KCTD8: variants seen among roughly 807,000 people sequenced by gnomAD.
The protein encoded by KCTD8 is BTB/POZ domain-containing protein KCTD8.
In KCTD8, 27 loss-of-function variants were observed where a neutral mutation model predicts 31.5. The observed-to-expected ratio is 0.86, with a 90% confidence interval of 0.63 to 1.18. KCTD8 has a LOEUF of 1.18. Among genes scored for constraint, KCTD8 ranks in the 50% most tolerant of loss-of-function variants. KCTD8 has a pLI of 0.00. For synonymous variants in KCTD8, 290 were observed against 280.0 expected (o/e 1.04, Z -0.36); for missense variants, 658 against 647.7 (o/e 1.02, Z -0.17).
At chr4:44,276,713 G>C (rs1324458631) in intron 1 of KCTD8, among the ~76,000 whole-genome samples, 2 of 151,934 alleles carry the variant, frequency 1.3e-5, no homozygotes, top group African/African-American at 4.8e-5. Context: ...TGTTTGGTAA[G>C]TGCAAATTTT....
chr4:44,243,114 C>T (rs1188938069), intron 1 of KCTD8, among the ~76,000 whole-genome samples: 1 of 151,984 alleles, frequency 6.6e-6, no homozygotes, highest in Admixed American at 6.5e-5. Context: ...ATTGGTTGAA[C>T]CATGAAGACA....
chr4:44,319,635 GAAT>G (rs967193799), intron 1 of KCTD8, among the ~76,000 whole-genome samples: 6 of 152,002 alleles, frequency 3.9e-5, no homozygotes, highest in Non-Finnish European at 8.8e-5. Flanking sequence ...TCAAGTTGAA[GAAT>G]TATTATGAAC....
chr4:44,181,042 A>T (rs1713367667), intron 1 of KCTD8, among the ~76,000 whole-genome samples: 1 of 152,152 alleles, frequency 6.6e-6, no homozygotes. Flanking sequence ...TGTCTGTTTA[A>T]TTACATCTAT....
chr4:44,216,983 A>G (rs2082062304), intron 1 of KCTD8, among the ~76,000 whole-genome samples: 1 of 152,186 alleles, frequency 6.6e-6, no homozygotes, highest in African/African-American at 2.4e-5. Flanking sequence ...AAATGCAAAC[A>G]TGCACCTATG....
At chr4:44,212,968 C>T (rs1317610452) in intron 1 of KCTD8, among the ~76,000 whole-genome samples, 2 of 152,008 alleles carry the variant, frequency 1.3e-5, no homozygotes, top group Non-Finnish European at 2.9e-5. Context: ...GATGGAGTCT[C>T]GTTCTGTCGC....
chr4:44,247,733 G>C (rs533244899), intron 1 of KCTD8, among the ~76,000 whole-genome samples: 1 of 151,614 alleles, frequency 6.6e-6, no homozygotes, highest in African/African-American at 2.4e-5. Context: ...TCTGTGATAG[G>C]CTTACTTCAC....
intron 1 of KCTD8, among the ~76,000 whole-genome samples, chr4:44,223,860 A>G (rs1714875848): frequency 6.6e-6 from 1 of 152,194 alleles, no homozygotes; most frequent in Admixed American, 6.5e-5. Context: ...ATTTAATTAC[A>G]TATGGTTTAT....
chr4:44,214,936 A>G (rs1714605548), intron 1 of KCTD8, among the ~76,000 whole-genome samples: 1 of 152,186 alleles, frequency 6.6e-6, no homozygotes, highest in African/African-American at 2.4e-5. Context: ...TAAGATCAGT[A>G]CTTGAGATAT....
intron 1 of KCTD8, among the ~76,000 whole-genome samples, chr4:44,269,833 A>C (rs1716524372): frequency 6.6e-6 from 1 of 152,146 alleles, no homozygotes; most frequent in South Asian, 2.1e-4. Context: ...AATCAAAACC[A>C]CAATGAGATA....
chr4:44,447,545 C>T lies in KCTD8; in HGVS notation c.961+18G>A. 1 of 1,527,372 alleles carries T rather than the reference C, an allele frequency of 6.5e-7. No homozygotes were observed. The highest frequency in any genetic ancestry group is 8.8e-7 in the Non-Finnish European group (1 of 1,131,606). 94.6% of individuals were successfully genotyped at this position (1,527,372 alleles called of 1,614,324 possible). On this transcript the variant is annotated intron_variant, in intron 1 of 1. Transcript: ENST00000360029. ...AGGGGGCGAGGGGTGCTGGGAAACG[C>T]CGGGGCTGCGAACTTACGGAAGAAA...
At chr4:44,323,350 C>A (rs1160075547) in intron 1 of KCTD8, among the ~76,000 whole-genome samples, 1 of 151,612 alleles carries the variant, frequency 6.6e-6, no homozygotes, top group Non-Finnish European at 1.5e-5. Flanking sequence ...AAAAATTAGC[C>A]ATGTGTAGTG....
At chr4:44,288,574 C>T (rs75610028) in intron 1 of KCTD8, among the ~76,000 whole-genome samples, 11,381 of 152,072 alleles carry the variant, frequency 0.075, 557 homozygotes, top group East Asian at 0.16. Flanking sequence ...TTGAAACAAT[C>T]AAAAACATTG....
intron 1 of KCTD8, among the ~76,000 whole-genome samples, chr4:44,235,563 A>T (rs1446448436): frequency 6.8e-5 from 5 of 73,418 alleles, no homozygotes; most frequent in African/African-American, 3.2e-4. Flanking sequence ...ATATATATAT[A>T]TATATATATA....
intron 1 of KCTD8, among the ~76,000 whole-genome samples, chr4:44,270,308 G>A (rs971940369): frequency 6.8e-6 from 1 of 147,158 alleles, no homozygotes; most frequent in African/African-American, 2.5e-5. Context: ...ACCAAACACT[G>A]CATGTTCTCA....
chr4:44,256,997 G>A (rs916301949), intron 1 of KCTD8, among the ~76,000 whole-genome samples: 6 of 151,890 alleles, frequency 4.0e-5, no homozygotes, highest in African/African-American at 1.2e-4. Flanking sequence ...GAAAGAAAGA[G>A]GTTCGATGTA....
intron 1 of KCTD8, among the ~76,000 whole-genome samples, chr4:44,258,946 T>C (rs751926935): frequency 4.6e-5 from 7 of 151,838 alleles, no homozygotes; most frequent in Non-Finnish European, 2.9e-5. Context: ...CTCATAAAAT[T>C]GGTGTAAATA....
chr4:44,285,826 C>T (rs989687679), intron 1 of KCTD8, among the ~76,000 whole-genome samples: 5 of 152,024 alleles, frequency 3.3e-5, no homozygotes, highest in African/African-American at 1.2e-4. Flanking sequence ...AGTGATTCCT[C>T]TGATGGATTC....
intron 1 of KCTD8, among the ~76,000 whole-genome samples, chr4:44,338,405 T>C (rs1560430041): frequency 6.6e-6 from 1 of 152,310 alleles, no homozygotes; most frequent in Middle Eastern, 3.4e-3. Flanking sequence ...GTAAAGCTTA[T>C]ATCTCTAGGA....
At chr4:44,415,869 G>A (rs1157237756) in intron 1 of KCTD8, among the ~76,000 whole-genome samples, 1 of 152,236 alleles carries the variant, frequency 6.6e-6, no homozygotes, top group African/African-American at 2.4e-5. Context: ...AAGGGAAAAT[G>A]TGGGTGGACC....
Sources: allele counts gnomAD v4.1 joint callset (sites outside exome capture counted in the v4.1 genomes callset), GRCh38; gene constraint gnomAD v4.1.1; transcripts MANE v1.5; gene names NCBI Gene and HGNC (gene_info 2026-07-23, HGNC 2026-07-21).